The following UVRAG variants were observed in gnomAD, a reference collection of about 807,000 sequenced individuals.
UVRAG encodes the protein UV radiation resistance associated, also known as UV radiation resistance-associated gene protein.
Under a neutral mutation model 78.0 loss-of-function variants are expected in UVRAG, and 19 were observed. That is an observed-to-expected ratio of 0.24 (90% CI 0.17 to 0.36). The LOEUF is 0.36. UVRAG is among the 10% of genes least tolerant of loss of function. UVRAG has a pLI of 1.00. For missense variants in UVRAG, 740 were observed against 853.8 expected (o/e 0.87, Z 1.66); for synonymous variants, 323 against 324.6 (o/e 1.00, Z 0.05).
chr11:75,986,340 C>G (rs1949500865), intron 8 of UVRAG, among the ~76,000 whole-genome samples: 1 of 151,640 alleles, frequency 6.6e-6, no homozygotes, highest in African/African-American at 2.4e-5. Flanking sequence ...CTTATTTTTA[C>G]TAGTTTCTGG....
chr11:76,046,791 T>G (rs781584580), intron 12 of UVRAG, among the ~76,000 whole-genome samples: 11 of 151,858 alleles, frequency 7.2e-5, no homozygotes, highest in Non-Finnish European at 1.5e-4. Context: ...ATTAGAAACA[T>G]AGAGGGAAAA....
At chr11:75,851,649 C>G (rs539827115) in intron 1 of UVRAG, among the ~76,000 whole-genome samples, 12 of 152,288 alleles carry the variant, frequency 7.9e-5, no homozygotes, top group Admixed American at 7.8e-4. Flanking sequence ...AAAAATATTT[C>G]ATGTCTGTTG....
intron 3 of UVRAG, among the ~76,000 whole-genome samples, chr11:75,866,161 T>G (rs1434407018): frequency 3.3e-5 from 5 of 151,804 alleles, no homozygotes; most frequent in African/African-American, 1.2e-4. Flanking sequence ...GGCGGAGGTT[T>G]CAGTCAGCCA....
At chr11:75,894,310 C>T (rs1026222658) in intron 5 of UVRAG, among the ~76,000 whole-genome samples, 4 of 151,664 alleles carry the variant, frequency 2.6e-5, no homozygotes, top group African/African-American at 9.7e-5. Flanking sequence ...TGTGACTCTT[C>T]ATTGTATTTT....
At chr11:76,027,525 C>T (rs1056577684) in intron 12 of UVRAG, among the ~76,000 whole-genome samples, 1 of 151,906 alleles carries the variant, frequency 6.6e-6, no homozygotes, top group Non-Finnish European at 1.5e-5. Context: ...GTCATGTTGG[C>T]TTCTCTCTTA....
chr11:75,823,676 A>G (rs1945450373), intron 1 of UVRAG, among the ~76,000 whole-genome samples: 1 of 152,198 alleles, frequency 6.6e-6, no homozygotes, highest in African/African-American at 2.4e-5. Flanking sequence ...AGGGACTACA[A>G]TCTAGGTGTT....
chr11:75,872,190 G>A (rs182753999), intron 3 of UVRAG, among the ~76,000 whole-genome samples: 241 of 152,104 alleles, frequency 1.6e-3, no homozygotes, highest in Middle Eastern at 0.014. Flanking sequence ...CCTTTTAATG[G>A]ATTTCCTTCC....
intron 12 of UVRAG, among the ~76,000 whole-genome samples, chr11:76,050,716 CTG>C (rs1468758993): frequency 1.3e-5 from 2 of 152,166 alleles, no homozygotes; most frequent in African/African-American, 2.4e-5. Context: ...ATCCTACTAA[CTG>C]TGCTGGGTCA....
intron 14 of UVRAG, among the ~76,000 whole-genome samples, chr11:76,132,517 A>G (rs1178790103): frequency 6.6e-6 from 1 of 152,188 alleles, no homozygotes; most frequent in Non-Finnish European, 1.5e-5. Context: ...GTAGACAGAT[A>G]AAACAAGTAC....
chr11:75,885,843 A>G (rs1479535106), intron 4 of UVRAG, among the ~76,000 whole-genome samples: 1 of 152,132 alleles, frequency 6.6e-6, no homozygotes, highest in East Asian at 1.9e-4. Flanking sequence ...GATCTTTCTG[A>G]GTTTTATGGT....
intron 7 of UVRAG, among the ~76,000 whole-genome samples, chr11:75,975,458 G>A (rs569106875): frequency 6.6e-6 from 1 of 152,316 alleles, no homozygotes; most frequent in African/African-American, 2.4e-5. Flanking sequence ...ACCTTGGGCA[G>A]TGTGGCCATT....
intron 1 of UVRAG, among the ~76,000 whole-genome samples, chr11:75,817,815 G>C (rs542012191): frequency 6.3e-4 from 95 of 151,822 alleles, no homozygotes; most frequent in African/African-American, 2.2e-3. Flanking sequence ...AGGCTGAGGT[G>C]GGGGGATCAC....
intron 14 of UVRAG, among the ~76,000 whole-genome samples, chr11:76,127,070 G>A (rs1430531867): frequency 6.6e-6 from 1 of 152,178 alleles, no homozygotes. Context: ...TGTATTCAGA[G>A]CACCATGGTG....
Position 75,815,515 on chromosome 11 carries a change from G to A in UVRAG, c.108G>A (p.Pro36=). The A allele has an allele frequency of 8.1e-7, 1 of 1,237,454 alleles. No individual in the cohort carries two copies. Among genetic ancestry groups the A allele is most frequent in the Non-Finnish European group, 1.0e-6 (1 of 989,958 alleles). The allele number at this position is 1,237,454 out of a possible 1,614,324, so 76.7% of individuals were successfully genotyped here. Residue 36 remains proline, a synonymous_variant, in exon 1 of 15, where the codon CCG becomes CCA. Coordinates refer to ENST00000356136, the MANE Select transcript of UVRAG (RefSeq NM_003369.4). The part of the protein sequence containing the change: ...SAARALHVEL[P]SQQRRLRHLR... ...CGCGGGCCCTGCATGTGGAGCTGCCGTCTCAGCAGGTAAGCCCGCGCGGCT... is the reference window on the plus strand; with the variant it reads ...CGCGGGCCCTGCATGTGGAGCTGCCATCTCAGCAGGTAAGCCCGCGCGGCT...
In UVRAG at chr11:76,008,854, TG is replaced by T; in HGVS notation, c.1048del (p.Glu350ArgfsTer24). ...FVCGVKLPNS[E>X]DFQAKDDGSI... ...TATGCGGTGTCAAGTTGCCTAATTC[TG>T]AGGACTTCCAAGGTATTTTATTTTT... On this transcript the variant is annotated frameshift_variant, in exon 11 of 15. Coordinates refer to ENST00000356136, the MANE Select transcript of UVRAG (RefSeq NM_003369.4). LOFTEE classifies it high-confidence loss of function. 1 of 1,479,632 alleles carries T rather than the reference TG, an allele frequency of 6.8e-7. No individual in the cohort carries two copies. Among genetic ancestry groups the T allele is most frequent in the Non-Finnish European group, 9.1e-7 (1 of 1,094,940 alleles). The allele number at this position is 1,479,632 out of a possible 1,614,324, so 91.7% of individuals were successfully genotyped here. A position where few individuals can be genotyped will look rare whatever the true frequency, so the allele number is the denominator to read the frequency against.
intron 1 of UVRAG, among the ~76,000 whole-genome samples, chr11:75,837,247 A>C (rs1255982935): frequency 6.7e-6 from 1 of 148,190 alleles, no homozygotes; most frequent in African/African-American, 2.5e-5. Context: ...GAATCGTGTG[A>C]CCTCGGGAGT....
At chr11:75,951,365 A>ATTT (rs200501949) in intron 6 of UVRAG, among the ~76,000 whole-genome samples, 1 of 141,476 alleles carries the variant, frequency 7.1e-6, no homozygotes, top group Admixed American at 6.9e-5. Context: ...GTGTGTATAT[A>ATTT]TTTTTTGTTT....
intron 6 of UVRAG, chr11:75,931,007 C>A (rs1948229416): frequency 9.8e-6 from 1 of 102,452 alleles, no homozygotes; most frequent in African/African-American, 3.5e-5. Context: ...TTTCTTTTAA[C>A]CTTTCCTGGG....
intron 14 of UVRAG, among the ~76,000 whole-genome samples, chr11:76,136,217 A>C (rs571327841): frequency 9.1e-4 from 139 of 152,332 alleles, no homozygotes; most frequent in African/African-American, 3.2e-3. Flanking sequence ...ATATGAATGA[A>C]GGGTCTTTCT....
Sources: gnomAD v4.1 joint callset for allele counts (sites outside exome capture counted in the v4.1 genomes callset) on GRCh38, gnomAD v4.1.1 for gene constraint, MANE v1.5 for transcripts, NCBI Gene and HGNC (gene_info 2026-07-23, HGNC 2026-07-21) for gene names.